The following EPHA3 variants were observed in gnomAD, a reference collection of about 807,000 sequenced individuals.
EPHA3 encodes the protein EPH receptor A3, also known as ephrin type-A receptor 3.
In EPHA3, 42 loss-of-function variants were observed where a neutral mutation model predicts 107.1. That is an observed-to-expected ratio of 0.39 (90% CI 0.31 to 0.51). The LOEUF (loss-of-function observed/expected upper bound fraction) is 0.51, where lower values mean the gene tolerates loss of function less well. Ranked by LOEUF, EPHA3 falls within the 20% of genes least tolerant of loss-of-function variation. The pLI is 0.78. For synonymous variants in EPHA3, 461 were observed against 424.8 expected (o/e 1.09, Z -1.05); for missense variants, 1,183 against 1,211.2 (o/e 0.98, Z 0.35).
chr3:89,237,709 T>C (rs1704800369), intron 3 of EPHA3, among the ~76,000 whole-genome samples: 1 of 152,114 alleles, frequency 6.6e-6, no homozygotes, highest in Non-Finnish European at 1.5e-5. Flanking sequence ...CTCACACCTA[T>C]AATTCCAGCT....
intron 2 of EPHA3, among the ~76,000 whole-genome samples, chr3:89,158,826 C>G (rs1338476938): frequency 2.0e-5 from 3 of 151,976 alleles, no homozygotes; most frequent in Admixed American, 6.6e-5. Context: ...GGAATTAGTT[C>G]TATTTGAAAG....
At chr3:89,445,240 C>T (rs1358562595) in intron 13 of EPHA3, among the ~76,000 whole-genome samples, 2 of 152,218 alleles carry the variant, frequency 1.3e-5, no homozygotes, top group East Asian at 3.9e-4. Context: ...CACCGCATTC[C>T]AGACCTAACT....
intron 3 of EPHA3, among the ~76,000 whole-genome samples, chr3:89,316,934 A>G (rs911513071): frequency 6.6e-6 from 1 of 151,708 alleles, no homozygotes; most frequent in African/African-American, 2.4e-5. Flanking sequence ...GTATAAATAT[A>G]TGAAAATAAG....
At chr3:89,458,056 AAC>A (rs1304205825) in intron 15 of EPHA3, among the ~76,000 whole-genome samples, 1 of 147,062 alleles carries the variant, frequency 6.8e-6, no homozygotes, top group African/African-American at 2.4e-5. Context: ...CATTCTTGGC[AAC>A]AGTCAAGAAA....
At chr3:89,211,980 G>A (rs759454125) in intron 3 of EPHA3, among the ~76,000 whole-genome samples, 50 of 151,734 alleles carry the variant, frequency 3.3e-4, no homozygotes, top group Non-Finnish European at 6.5e-4. Context: ...TTTAAGAATC[G>A]CATGCCAAAC....
intron 3 of EPHA3, among the ~76,000 whole-genome samples, chr3:89,245,311 G>T (rs1283683073): frequency 6.6e-6 from 1 of 152,144 alleles, no homozygotes; most frequent in Admixed American, 6.5e-5. Flanking sequence ...AAGAATACTT[G>T]AAGGAACAAG....
intron 1 of EPHA3, among the ~76,000 whole-genome samples, chr3:89,112,955 G>C (rs1576157069): frequency 6.6e-6 from 1 of 151,994 alleles, no homozygotes; most frequent in Non-Finnish European, 1.5e-5. Context: ...AATAAACCTT[G>C]TTCCTTTAAT....
At chr3:89,404,801 C>A (rs1206640078) in intron 7 of EPHA3, among the ~76,000 whole-genome samples, 1 of 152,116 alleles carries the variant, frequency 6.6e-6, no homozygotes, top group Non-Finnish European at 1.5e-5. Flanking sequence ...GTTCCCTTCC[C>A]AGTTTCACTG....
At chr3:89,221,471 C>A (rs1258026453) in intron 3 of EPHA3, among the ~76,000 whole-genome samples, 5 of 152,156 alleles carry the variant, frequency 3.3e-5, no homozygotes, top group Non-Finnish European at 7.3e-5. Context: ...AGTAAACTCA[C>A]TGTTTTATTT....
chr3:89,285,872 A>T (rs1706069256), intron 3 of EPHA3, among the ~76,000 whole-genome samples: 1 of 152,024 alleles, frequency 6.6e-6, no homozygotes, highest in Non-Finnish European at 1.5e-5. Context: ...CAGGAAAGGA[A>T]TGTAGCTAAG....
chr3:89,251,323 C>T (rs1705161961), intron 3 of EPHA3, among the ~76,000 whole-genome samples: 1 of 151,496 alleles, frequency 6.6e-6, no homozygotes, highest in Non-Finnish European at 1.5e-5. Flanking sequence ...TAAATCTTTC[C>T]AATAGATTAT....
In EPHA3 at chr3:89,472,540, G is replaced by T; in HGVS notation, c.2767G>T (p.Val923Phe). 1 of 1,614,116 alleles carries T rather than the reference G, an allele frequency of 6.2e-7. No individual in the cohort carries two copies. Among genetic ancestry groups the T allele is most frequent in the Non-Finnish European group, 8.5e-7 (1 of 1,180,018 alleles). The change falls in exon 16 of 17, where the codon GTC (valine) becomes TTC (phenylalanine). Residue 923 changes from valine to phenylalanine, a missense_variant. Transcript: ENST00000336596. The stretch of plus-strand genomic sequence containing the variant: ...CACAACAGGTGACTGGCTTAATGGT[G>T]TCTGGACAGCACACTGCAAGGAAAT... ...FRTTGDWLNG[V>F]WTAHCKEIFT...
intron 3 of EPHA3, among the ~76,000 whole-genome samples, chr3:89,299,105 CT>C (rs1367197139): frequency 1.3e-5 from 2 of 151,964 alleles, no homozygotes; most frequent in African/African-American, 4.8e-5. Context: ...ATTTTAGAAA[CT>C]TTAAGTTTGT....
intron 2 of EPHA3, among the ~76,000 whole-genome samples, chr3:89,197,361 A>G (rs556340460): frequency 7.2e-5 from 11 of 152,118 alleles, no homozygotes; most frequent in Non-Finnish European, 1.6e-4. Flanking sequence ...TCCATTTTAA[A>G]CATGATATAC....
chr3:89,302,486 T>C (rs1706514765), intron 3 of EPHA3, among the ~76,000 whole-genome samples: 3 of 152,114 alleles, frequency 2.0e-5, no homozygotes, highest in Non-Finnish European at 4.4e-5. Flanking sequence ...CCTAAGTCAG[T>C]AGAAGCTGAG....
At chr3:89,267,026 A>T (rs899603873) in intron 3 of EPHA3, among the ~76,000 whole-genome samples, 1 of 152,082 alleles carries the variant, frequency 6.6e-6, no homozygotes, top group African/African-American at 2.4e-5. Flanking sequence ...ACCACTTCTC[A>T]TATTATGCTT....
chr3:89,167,760 TTA>T (rs1290570037), intron 2 of EPHA3, among the ~76,000 whole-genome samples: 1 of 152,066 alleles, frequency 6.6e-6, no homozygotes, highest in Non-Finnish European at 1.5e-5. Flanking sequence ...CTAAAACCTG[TTA>T]TTCTCTTTTC....
rs775760508 is a variant in EPHA3, at chr3:89,429,201, A to G, written c.2136+34A>G. The G allele has an allele frequency of 1.0e-5, 16 of 1,535,096 alleles. No individual in the cohort carries two copies. The African/African-American group carries it at 2.2e-4, about 21-fold the overall frequency. The stretch of plus-strand genomic sequence containing the variant: ...GATGCACACACATACATATATATGA[A>G]TAAATTGCTGAAAACATTAGAGACA... On this transcript the variant is annotated intron_variant, in intron 12 of 16. Transcript: ENST00000336596.
chr3:89,145,791 G>A (rs574423220), intron 2 of EPHA3, among the ~76,000 whole-genome samples: 1 of 151,146 alleles, frequency 6.6e-6, no homozygotes, highest in African/African-American at 2.4e-5. Context: ...GTCTAGAATC[G>A]ATTTCTCACT....
Sources: allele counts gnomAD v4.1 joint callset (sites outside exome capture counted in the v4.1 genomes callset), GRCh38; gene constraint gnomAD v4.1.1; transcripts MANE v1.5; gene names NCBI Gene and HGNC (gene_info 2026-07-23, HGNC 2026-07-21).